Variants in PPP6R3 observed in about 807,000 individuals in gnomAD.
The protein encoded by PPP6R3 is serine/threonine-protein phosphatase 6 regulatory subunit 3.
Under a neutral mutation model 110.7 loss-of-function variants are expected in PPP6R3, and 38 were observed. The observed-to-expected ratio is 0.34, with a 90% CI of 0.26 to 0.45. The LOEUF (loss-of-function observed/expected upper bound fraction) is 0.45, where lower values mean the gene tolerates loss of function less well. Among genes scored for constraint, PPP6R3 ranks in the 20% least tolerant of loss-of-function variants. The probability of loss-of-function intolerance (pLI) is 1.00; values close to 1 mark genes in which losing one functional copy is unlikely to be tolerated. For missense variants in PPP6R3, 870 were observed against 1,062.4 expected (o/e 0.82, Z 2.52); for synonymous variants, 369 against 373.5 (o/e 0.99, Z 0.14).
intron 2 of PPP6R3, among the ~76,000 whole-genome samples, chr11:68,537,383 G>A (rs1242397906): frequency 6.6e-6 from 1 of 152,116 alleles, no homozygotes; most frequent in Non-Finnish European, 1.5e-5. Flanking sequence ...TAATAGTATG[G>A]ATGAATTACT....
chr11:68,587,511 G>T lies in PPP6R3; in HGVS notation c.1633-416G>T, dbSNP rs139982340. On this transcript the variant is annotated intron_variant, in intron 15 of 23. Coordinates refer to ENST00000393800, the MANE Select transcript of PPP6R3 (RefSeq NM_001164161.2). ...CTGTAGTAGATTGGGGGTGGAGGAG[G>T]TGGCAAGGAGGGAGGGGGTGGTCAC... is the stretch of plus-strand genomic sequence containing the variant. The T allele has an allele frequency of 4.6e-4, 95 of 204,802 alleles. 1 individual carries two copies. The East Asian group carries it at 0.011, about 24-fold the overall frequency. The allele number at this position is 204,802 out of a possible 1,614,324, so 12.7% of individuals were successfully genotyped here.
intron 7 of PPP6R3, among the ~76,000 whole-genome samples, chr11:68,556,550 CG>C (rs1329697850): frequency 1.2e-4 from 13 of 111,906 alleles, no homozygotes; most frequent in African/African-American, 3.4e-4. Flanking sequence ...AAAAAAAAAA[CG>C]AAAAAAAAAA....
intron 2 of PPP6R3, among the ~76,000 whole-genome samples, chr11:68,532,679 T>C (rs1270976229): frequency 2.0e-5 from 3 of 152,164 alleles, no homozygotes; most frequent in Non-Finnish European, 1.5e-5. Context: ...CTGATATGAA[T>C]GATTAGTTTG....
At chr11:68,573,893 A>C (rs1349245588) in intron 12 of PPP6R3, among the ~76,000 whole-genome samples, 1 of 152,170 alleles carries the variant, frequency 6.6e-6, no homozygotes, top group Non-Finnish European at 1.5e-5. Flanking sequence ...GCTGCCATAT[A>C]ATCTTTTACA....
rs960004299 is a variant in PPP6R3, at chr11:68,561,759, T to C, written c.846-2544T>C. On this transcript the variant is annotated intron_variant, in intron 8 of 23. Coordinates refer to ENST00000393800, the MANE Select transcript of PPP6R3 (RefSeq NM_001164161.2). The stretch of plus-strand genomic sequence containing the variant: ...ACTTGGATGAAAACTGATAAAGCCC[T>C]CTTTCATTTTATTTATATTTTTTGA... Among the ~76,000 whole-genome samples, 13 of 152,300 alleles carry C rather than the reference T, an allele frequency of 8.5e-5. No homozygotes were observed. The Middle Eastern group carries it at 0.024, about 279-fold the overall frequency.
chr11:68,602,093 G>T (rs1566149153), intron 21 of PPP6R3, 124 bp downstream of exon 21: 2 of 664,148 alleles, frequency 3.0e-6, no homozygotes, highest in East Asian at 5.7e-5. Flanking sequence ...ATGTCCACAG[G>T]GCAGCTGATG....
Position 68,544,861 on chromosome 11 carries a change from T to TG in PPP6R3, c.252dup (p.Leu85AlafsTer4). ...AGGTATCCAAATATATCTTGTGAGT[T>TG]GCTCACTTCTGATGTCTCCCAGATG... On this transcript the variant is annotated frameshift_variant, in exon 4 of 24. Coordinates refer to ENST00000393800, the MANE Select transcript of PPP6R3 (RefSeq NM_001164161.2). LOFTEE classifies it high-confidence loss of function. The TG allele has an allele frequency of 6.2e-7, 1 of 1,603,856 alleles. No individual in the cohort carries two copies. The highest frequency in any genetic ancestry group is 8.5e-7 in the Non-Finnish European group (1 of 1,171,244).
At position 68,475,624 on chromosome 11, in the gene PPP6R3, C is replaced by T. The variant is rs1298293210; in HGVS notation, c.-158+14797C>T. Among the ~76,000 whole-genome samples the T allele has an allele frequency of 3.5e-4, 51 of 147,444 alleles. 2 individuals are homozygous for T. In the Middle Eastern group the frequency reaches 0.011, roughly 31 times the overall value. On this transcript the variant is annotated intron_variant, in intron 1 of 23. Transcript: ENST00000393800. The stretch of plus-strand genomic sequence containing the variant: ...CTCCCTCCCGGACGGGGCGGCTGGC[C>T]GGGTGGGGGCTGCCCCCCACCTCCC...
chr11:68,591,494 C>T (rs1479301143), intron 17 of PPP6R3, 82 bp from the exon 18 acceptor site: 3 of 1,332,612 alleles, frequency 2.3e-6, no homozygotes, highest in East Asian at 2.5e-5. Flanking sequence ...TGAAAAAATG[C>T]AATTTACATT....
In PPP6R3 at chr11:68,609,983, T is replaced by G. The variant is rs753985313; in HGVS notation, c.2530T>G (p.Cys844Gly). ...EECPETAEAK[C>G]AAPRPPSSSP... ...GTGTCCCGAGACTGCAGAGGCGAAG[T>G]GCGCGGCGCCCAGGCCTCCCAGCAG... The change falls in exon 23 of 24, where the codon TGC (cysteine) becomes GGC (glycine). Residue 844 changes from cysteine to glycine, a missense_variant. Coordinates refer to ENST00000393800, the MANE Select transcript of PPP6R3 (RefSeq NM_001164161.2). 3 of 1,614,018 alleles carry G rather than the reference T, an allele frequency of 1.9e-6. No homozygotes were observed. The highest frequency in any genetic ancestry group is 2.5e-6 in the Non-Finnish European group (3 of 1,179,996).
intron 1 of PPP6R3, among the ~76,000 whole-genome samples, chr11:68,472,487 T>C (rs2098799065): frequency 6.6e-6 from 1 of 152,138 alleles, no homozygotes; most frequent in Non-Finnish European, 1.5e-5. Flanking sequence ...TACTAGATGG[T>C]GCAAATTGTT....
chr11:68,526,473 G>T (rs970028642), intron 2 of PPP6R3, among the ~76,000 whole-genome samples: 4 of 152,008 alleles, frequency 2.6e-5, no homozygotes, highest in Non-Finnish European at 4.4e-5. Flanking sequence ...TGAACTCCTG[G>T]ACTAAAGTGA....
At chr11:68,606,208 A>G (rs767101297) in intron 22 of PPP6R3, among the ~76,000 whole-genome samples, 2 of 152,238 alleles carry the variant, frequency 1.3e-5, no homozygotes, top group Admixed American at 6.5e-5. Context: ...GATTTTTTTT[A>G]TAAGGTTCCA....
At chr11:68,609,399 T>C in intron 22 of PPP6R3, 1 of 705,584 alleles carries the variant, frequency 1.4e-6, no homozygotes. Flanking sequence ...TGATGGGGTC[T>C]GTCTTGCTGC....
At chr11:68,571,955 CTG>C (rs1159657065) in intron 12 of PPP6R3, among the ~76,000 whole-genome samples, 1 of 152,058 alleles carries the variant, frequency 6.6e-6, no homozygotes, top group Non-Finnish European at 1.5e-5. Flanking sequence ...TTATGTGTCT[CTG>C]TGTCTCCAGG....
At chr11:68,587,833 T>A in intron 15 of PPP6R3, 94 bp from the exon 16 acceptor site, 1 of 1,066,868 alleles carries the variant, frequency 9.4e-7, no homozygotes. Context: ...TATGGCTATG[T>A]AAATAAGATG....
At chr11:68,609,854 GGT>G in intron 22 of PPP6R3, 48 bp from the exon 23 acceptor site, 2 of 1,609,742 alleles carry the variant, frequency 1.2e-6, no homozygotes. Flanking sequence ...CTGGTGCCTA[GGT>G]GCTGGTCCCT....
chr11:68,469,936 C>T (rs1008855478), intron 1 of PPP6R3, among the ~76,000 whole-genome samples: 3 of 152,092 alleles, frequency 2.0e-5, no homozygotes, highest in Non-Finnish European at 4.4e-5. Flanking sequence ...TAAATGTATC[C>T]TTATATAATG....
At chr11:68,515,063 T>A in intron 1 of PPP6R3, 1 of 152,140 alleles carries the variant, frequency 6.6e-6, no homozygotes, top group South Asian at 2.1e-4. Context: ...CAGGACCAGA[T>A]GTGGAGTAGA....
Sources: gnomAD v4.1 joint callset for allele counts (sites outside exome capture counted in the v4.1 genomes callset) on GRCh38, gnomAD v4.1.1 for gene constraint, MANE v1.5 for transcripts, NCBI Gene and HGNC (gene_info 2026-07-23, HGNC 2026-07-21) for gene names.